TRIM66: variants seen among roughly 807,000 people sequenced by gnomAD.
TRIM66 encodes tripartite motif containing 66, also known as tripartite motif-containing protein 66.
A neutral mutation model predicts 148.2 loss-of-function variants in TRIM66; 99 were observed. The ratio of observed to expected loss-of-function variants is 0.67; its 90% CI spans 0.57 to 0.79. The LOEUF is 0.79. Among genes scored for constraint, TRIM66 ranks in the 30% least tolerant of loss-of-function variants. The probability of loss-of-function intolerance (pLI) is 0.00; values close to 1 mark genes in which losing one functional copy is unlikely to be tolerated. For missense variants in TRIM66, 1,666 were observed against 1,697.9 expected, an observed-to-expected ratio of 0.98 and a Z score of 0.33; for synonymous variants, 616 against 635.9, an observed-to-expected ratio of 0.97 and a Z score of 0.47.
chr11:8,658,072 G>C (rs2037987554), intron 6 of TRIM66, among the ~76,000 whole-genome samples: 1 of 152,236 alleles, frequency 6.6e-6, no homozygotes, highest in Non-Finnish European at 1.5e-5. Context: ...ATGGATACTG[G>C]ATAGGGTAAG....
intron 3 of TRIM66, among the ~76,000 whole-genome samples, chr11:8,678,478 T>C (rs1029093216): frequency 2.6e-5 from 4 of 152,214 alleles, no homozygotes; most frequent in Admixed American, 6.5e-5. Context: ...TGAAAGGTAA[T>C]ACTCAGAAAA....
At position 8,680,122 on chromosome 11, in the gene TRIM66, G is replaced by A. The variant is rs532104769; in HGVS notation, c.-547-59C>T. On this transcript the variant is annotated intron_variant, in intron 1 of 24. Coordinates refer to ENST00000646038, the MANE Select transcript of TRIM66 (RefSeq NM_001388022.1). ...AGGTTGAGGAAGATTCAGGACATGT[G>A]GTCAGGAAGAGGATGGGCACTCCGG... The A allele has an allele frequency of 2.0e-5, 3 of 152,404 alleles. No homozygotes were observed. The East Asian group carries it at 5.8e-4, about 29-fold the overall frequency. 9.4% of individuals were successfully genotyped at this position (152,404 alleles called of 1,614,324 possible). A position where few individuals can be genotyped will look rare whatever the true frequency, so the allele number is the denominator to read the frequency against.
At position 8,624,373 on chromosome 11, in the gene TRIM66, T is replaced by C; in HGVS notation, c.3005A>G (p.Tyr1002Cys). The C allele has an allele frequency of 6.4e-6, 10 of 1,550,948 alleles. No homozygotes were observed. The highest frequency in any genetic ancestry group is 1.4e-5 in the African/African-American group (1 of 73,108). Residue 1002 changes from tyrosine (Y) to cysteine (C), a missense_variant, in exon 17 of 25, where the codon TAC becomes TGC. By Grantham distance (194) the Tyr-to-Cys change is radical (BLOSUM62 -2). This residue lies in a region of TRIM66 where 1,431 missense variants were observed against 1,412.4 expected (regional missense o/e 1.01). Coordinates refer to ENST00000646038, the MANE Select transcript of TRIM66 (RefSeq NM_001388022.1). The part of the protein sequence containing the change: ...VVSTSTALQQ[Y>C]QNPKECENFE... ...TTGAGTCTCACCTTTTGGGTTCTGG[T>C]ACTGCTGCAGAGCTGTAGACGTGCT...
Position 8,640,772 on chromosome 11 carries a change from G to A in TRIM66, c.1603C>T (p.Gln535Ter), listed in dbSNP as rs905499034. 6 of 1,551,198 alleles carry A rather than the reference G, an allele frequency of 3.9e-6. No homozygotes were observed. In the African/African-American group the frequency reaches 4.1e-5, roughly 11 times the overall value. Reference protein sequence around the residue: ...PKLLQPWLETQPPVEQESTSQ... With the variant: ...PKLLQPWLET ...GTGCTCTCCTGCTCCACGGGGGGCT[G>A]GGTTTCCAGCCAGGGCTGCAGCAGC... Residue 535 changes from glutamine (Q) to a stop codon, truncating the protein, a stop_gained, in exon 14 of 25, where the codon CAG (glutamine) becomes TAG (stop). Coordinates refer to ENST00000646038, the MANE Select transcript of TRIM66 (RefSeq NM_001388022.1). LOFTEE classifies it high-confidence loss of function.
chr11:8,660,829 C>T (rs1431991918), intron 6 of TRIM66, among the ~76,000 whole-genome samples: 1 of 152,158 alleles, frequency 6.6e-6, no homozygotes, highest in Non-Finnish European at 1.5e-5. Flanking sequence ...CAAGAAAAGG[C>T]ATTTCAGGAG....
chr11:8,655,241 G>T (rs567182769), intron 6 of TRIM66, among the ~76,000 whole-genome samples: 4 of 152,184 alleles, frequency 2.6e-5, no homozygotes, highest in African/African-American at 7.2e-5. Context: ...GAAGCCACCT[G>T]GAAGTTTTCT....
intron 3 of TRIM66, among the ~76,000 whole-genome samples, chr11:8,675,601 C>A (rs1157877737): frequency 6.6e-6 from 1 of 152,064 alleles, no homozygotes; most frequent in African/African-American, 2.4e-5. Context: ...AGGGTGATCT[C>A]AAACTCCCGA....
In TRIM66 at chr11:8,614,328, G is replaced by A. The variant is rs2033587168; in HGVS notation, c.*3616C>T. Reference sequence around the variant, plus strand: ...CACTCCAGCCTGCATGACAGAGTGAGACTCTCTCTCTCAAAAAATAAAAAA... The same window carrying A: ...CACTCCAGCCTGCATGACAGAGTGAAACTCTCTCTCTCAAAAAATAAAAAA... On this transcript the variant is annotated 3_prime_UTR_variant, in exon 25 of 25. Transcript: ENST00000646038. 1 of 152,024 alleles carries A rather than the reference G, an allele frequency of 6.6e-6. No individual in the cohort carries two copies. Among genetic ancestry groups the A allele is most frequent in the Admixed American group, 6.6e-5 (1 of 15,248 alleles). 9.4% of individuals were successfully genotyped at this position (152,024 alleles called of 1,614,324 possible).
chr11:8,664,272 T>C (rs866724336), intron 6 of TRIM66, among the ~76,000 whole-genome samples: 2 of 152,184 alleles, frequency 1.3e-5, no homozygotes, highest in African/African-American at 4.8e-5. Flanking sequence ...CAGTTAAAAA[T>C]TTTTTTAATT....
At chr11:8,677,708 A>T (rs1388840068) in intron 3 of TRIM66, among the ~76,000 whole-genome samples, 1 of 152,152 alleles carries the variant, frequency 6.6e-6, no homozygotes, top group Non-Finnish European at 1.5e-5. Flanking sequence ...TAAAACCCAA[A>T]TATGTAACTC....
In TRIM66 at chr11:8,672,361, C is replaced by T. The variant is rs1224179255; in HGVS notation, c.-87G>A. The T allele has an allele frequency of 7.9e-6, 12 of 1,524,074 alleles. No homozygotes were observed. The highest frequency in any genetic ancestry group is 8.7e-6 in the Non-Finnish European group (10 of 1,143,072). 94.4% of individuals were successfully genotyped at this position (1,524,074 alleles called of 1,614,324 possible). The stretch of plus-strand genomic sequence containing the variant: ...TCAAAAGTGTCCCGTACCTGTGCCT[C>T]TCCTTATTGGTAGACAAGCTTGACC... On this transcript the variant is annotated 5_prime_UTR_variant, in exon 5 of 25. Coordinates refer to ENST00000646038, the MANE Select transcript of TRIM66 (RefSeq NM_001388022.1).
At chr11:8,667,191 T>A (rs186065310) in intron 6 of TRIM66, among the ~76,000 whole-genome samples, 132 of 148,122 alleles carry the variant, frequency 8.9e-4, no homozygotes, top group African/African-American at 3.1e-3. Context: ...TTCATTCACA[T>A]TAAAAACCTT....
intron 15 of TRIM66, among the ~76,000 whole-genome samples, chr11:8,627,145 A>G (rs7933614): frequency 0.016 from 2,477 of 152,314 alleles, 74 homozygotes; most frequent in African/African-American, 0.057. Context: ...TTCCCCTACT[A>G]AAGTGTAAAC....
At chr11:8,621,997 C>G (rs571569981) in intron 18 of TRIM66, among the ~76,000 whole-genome samples, 178 bp from the exon 19 acceptor site, 2 of 152,198 alleles carry the variant, frequency 1.3e-5, no homozygotes, top group African/African-American at 4.8e-5. Context: ...AGGAGATTAA[C>G]ATTTGAGTCA....
At chr11:8,663,629 G>C (rs1159706734) in intron 6 of TRIM66, among the ~76,000 whole-genome samples, 1 of 152,018 alleles carries the variant, frequency 6.6e-6, no homozygotes, top group Non-Finnish European at 1.5e-5. Flanking sequence ...GGGGGGAGGG[G>C]ACTACTGTAT....
Position 8,618,835 on chromosome 11 carries a change from T to C in TRIM66, c.4034A>G (p.Glu1345Gly), listed in dbSNP as rs1290209850. The C allele has an allele frequency of 1.3e-6, 2 of 1,551,412 alleles. No homozygotes were observed. The highest frequency in any genetic ancestry group is 2.0e-5 in the Admixed American group (1 of 50,984). Residue 1345 changes from glutamate to glycine, a missense_variant, in exon 24 of 25, where the codon GAG (glutamate) becomes GGG (glycine). By Grantham distance (98) the Glu-to-Gly change is moderately conservative (BLOSUM62 -2). This residue lies in a region of TRIM66 where 204 missense variants were observed against 231.0 expected (regional missense o/e 0.88). Transcript: ENST00000646038. ...EDSDSEEVSS[E>G]SGCSTPQGFP... ...GCCCTGGGGAGTGGAACATCCACTC[T>C]CACTAGACACCTCCTCGGAGTCTGA...
At position 8,679,990 on chromosome 11, in the gene TRIM66, T is replaced by C. The variant is rs1170786728; in HGVS notation, c.-474A>G. The C allele has an allele frequency of 6.6e-6, 1 of 152,326 alleles. No individual in the cohort carries two copies. Among genetic ancestry groups the C allele is most frequent in the Admixed American group, 6.5e-5 (1 of 15,286 alleles). The allele number at this position is 152,326 out of a possible 1,614,324, so 9.4% of individuals were successfully genotyped here. A position where few individuals can be genotyped will look rare whatever the true frequency, so the allele number is the denominator to read the frequency against. On this transcript the variant is annotated 5_prime_UTR_variant, in exon 2 of 25. Coordinates refer to ENST00000646038, the MANE Select transcript of TRIM66 (RefSeq NM_001388022.1). ...AAAATGAGGCTGGTAGTGCTGTACC[T>C]TCAGGCAGATGTATTTTGTAAATTG...
Position 8,621,338 on chromosome 11 carries a change from G to C in TRIM66, c.3256-17C>G, listed in dbSNP as rs914478558. ...CTGGCTGACCTTGGGGAAGAAGTAA[G>C]TCTGGGCAGCCAGAGCACAGAACCA... On this transcript the variant is annotated splice_polypyrimidine_tract_variant and intron_variant, in intron 19 of 24. Transcript: ENST00000646038. 1 of 1,544,814 alleles carries C rather than the reference G, an allele frequency of 6.5e-7. No individual in the cohort carries two copies. The highest frequency in any genetic ancestry group is 1.4e-5 in the African/African-American group (1 of 72,848).
At position 8,638,806 on chromosome 11, in the gene TRIM66, C is replaced by A; in HGVS notation, c.2158G>T (p.Glu720Ter). ...SQEETLQATD[E>*]PPASQGSKPA... ...TTTGAGCCCTGAGATGCTGGGGGCT[C>A]ATCTGTAGCCTGGAGAAGAAAATAA... Residue 720 changes from glutamate (E) to a stop codon, truncating the protein, a stop_gained, in exon 15 of 25, where the codon GAG becomes TAG. Transcript: ENST00000646038. LOFTEE classifies it high-confidence loss of function. The A allele has an allele frequency of 6.4e-7, 1 of 1,550,964 alleles. No homozygotes were observed. The highest frequency in any genetic ancestry group is 8.7e-7 in the Non-Finnish European group (1 of 1,146,780).
Sources: gnomAD v4.1 joint callset for allele counts (sites outside exome capture counted in the v4.1 genomes callset) on GRCh38, gnomAD v4.1.1 for gene constraint, gnomAD v4.1.1 regional missense constraint, MANE v1.5 for transcripts, NCBI Gene and HGNC (gene_info 2026-07-23, HGNC 2026-07-21) for gene names.